Variants in CYP4X1 observed in about 807,000 individuals in gnomAD.
CYP4X1 encodes the protein cytochrome P450 family 4 subfamily X member 1, also known as cytochrome P450 4X1.
A neutral mutation model predicts 57.9 loss-of-function variants in CYP4X1; 44 were observed. That is an observed-to-expected ratio of 0.76 (90% CI 0.60 to 0.98). CYP4X1 has a LOEUF of 0.98. Among genes scored for constraint, CYP4X1 ranks in the 50% least tolerant of loss-of-function variants. The pLI is 0.00. For missense variants in CYP4X1, 532 were observed against 623.9 expected, an observed-to-expected ratio of 0.85 and a Z score of 1.57; for synonymous variants, 227 against 228.6, an observed-to-expected ratio of 0.99 and a Z score of 0.06.
chr1:46,971,351 C>T, the CYP4X1 span, among the ~76,000 whole-genome samples: 2 of 152,140 alleles, frequency 1.3e-5, no homozygotes, highest in Non-Finnish European at 2.9e-5. Flanking sequence ...GATTGTATGC[C>T]TTTGCCATTG....
chr1:47,028,393 G>C (rs1487107055), intron 1 of CYP4X1, among the ~76,000 whole-genome samples: 1 of 152,146 alleles, frequency 6.6e-6, no homozygotes, highest in Non-Finnish European at 1.5e-5. Context: ...ACTTCATAGG[G>C]TTCTTGATGT....
chr1:47,020,905 G>C (rs1643988698), upstream of CYP4X1, among the ~76,000 whole-genome samples: 1 of 152,062 alleles, frequency 6.6e-6, no homozygotes, highest in Non-Finnish European at 1.5e-5. Flanking sequence ...TCTTTGGGCT[G>C]TGTGTAGGAT....
At chr1:46,973,769 C>T in the CYP4X1 span, among the ~76,000 whole-genome samples, 50 of 151,764 alleles carry the variant, frequency 3.3e-4, no homozygotes, top group Non-Finnish European at 5.5e-4. Context: ...TTGGTGGTAA[C>T]GTCCTCTGTC....
intron 1 of CYP4X1, among the ~76,000 whole-genome samples, chr1:47,025,475 C>T (rs1161306146): frequency 1.3e-5 from 2 of 152,324 alleles, no homozygotes; most frequent in African/African-American, 4.8e-5. Flanking sequence ...CAGGCAATCA[C>T]TTACACTTCA....
chr1:47,026,402 A>T (rs1421701836), intron 1 of CYP4X1, among the ~76,000 whole-genome samples: 1 of 152,214 alleles, frequency 6.6e-6, no homozygotes, highest in Non-Finnish European at 1.5e-5. Flanking sequence ...TAAATAAATT[A>T]TATAGCTATC....
At chr1:47,037,104 TG>T (rs1399485989) in intron 6 of CYP4X1, among the ~76,000 whole-genome samples, 1 of 152,156 alleles carries the variant, frequency 6.6e-6, no homozygotes, top group East Asian at 1.9e-4. Flanking sequence ...TTAATGTTTT[TG>T]TGCTTCATTG....
At chr1:46,981,682 T>C in the CYP4X1 span, among the ~76,000 whole-genome samples, 1 of 152,168 alleles carries the variant, frequency 6.6e-6, no homozygotes, top group Non-Finnish European at 1.5e-5. Flanking sequence ...CACATGCACA[T>C]GTATGTTTAT....
At chr1:47,037,042 T>C (rs12406683) in intron 6 of CYP4X1, among the ~76,000 whole-genome samples, 12,623 of 152,226 alleles carry the variant, frequency 0.083, 588 homozygotes, top group East Asian at 0.22. Flanking sequence ...ATGGGCATTA[T>C]AAATAGCAGC....
At chr1:47,047,212 G>A (rs1333026386) in intron 9 of CYP4X1, among the ~76,000 whole-genome samples, 10 of 152,134 alleles carry the variant, frequency 6.6e-5, no homozygotes, top group African/African-American at 9.7e-5. Context: ...GAACTTGTGC[G>A]GAGACCCTGA....
chr1:47,032,522 G>A (rs936972363), intron 3 of CYP4X1, among the ~76,000 whole-genome samples: 13 of 152,116 alleles, frequency 8.5e-5, no homozygotes, highest in African/African-American at 2.9e-4. Flanking sequence ...TCATGAGCCT[G>A]GAATGTTGTA....
At chr1:47,008,556 C>G in the CYP4X1 span, among the ~76,000 whole-genome samples, 1 of 152,172 alleles carries the variant, frequency 6.6e-6, no homozygotes. Context: ...ATGACAGGAT[C>G]AAATTCACAC....
the CYP4X1 span, among the ~76,000 whole-genome samples, chr1:46,979,165 CA>C: frequency 6.6e-6 from 1 of 151,970 alleles, no homozygotes; most frequent in Non-Finnish European, 1.5e-5. Context: ...AAAACCCCTT[CA>C]AAAAATCAAG....
chr1:47,031,357 A>G, intron 2 of CYP4X1, 79 bp from the exon 3 acceptor site: 2 of 1,537,568 alleles, frequency 1.3e-6, no homozygotes, highest in South Asian at 2.3e-5. Flanking sequence ...GCAGAAATGC[A>G]GAAAACCGTC....
At chr1:46,980,763 T>C in the CYP4X1 span, among the ~76,000 whole-genome samples, 1 of 152,156 alleles carries the variant, frequency 6.6e-6, no homozygotes, top group African/African-American at 2.4e-5. Flanking sequence ...AACAGCATGG[T>C]ACTGGTACCA....
chr1:46,987,620 C>A, the CYP4X1 span, among the ~76,000 whole-genome samples: 1 of 152,110 alleles, frequency 6.6e-6, no homozygotes, highest in East Asian at 1.9e-4. Flanking sequence ...CTAAAATTGA[C>A]CACATAATTG....
At chr1:47,041,577 T>G (rs1437044516) in intron 8 of CYP4X1, among the ~76,000 whole-genome samples, 4 of 152,194 alleles carry the variant, frequency 2.6e-5, no homozygotes, top group Non-Finnish European at 4.4e-5. Flanking sequence ...CATTCATGTC[T>G]TCTTTGTAGG....
chr1:47,009,320 T>A, the CYP4X1 span, among the ~76,000 whole-genome samples: 1 of 151,616 alleles, frequency 6.6e-6, no homozygotes, highest in Admixed American at 6.6e-5. Context: ...ACCTGGTACA[T>A]AAAGAAATGA....
chr1:47,017,329 G>C, the CYP4X1 span, among the ~76,000 whole-genome samples: 17 of 152,114 alleles, frequency 1.1e-4, no homozygotes, highest in Non-Finnish European at 1.5e-4. Context: ...ATGAAAACAG[G>C]GATGAAATAT....
At chr1:46,984,396 A>C in the CYP4X1 span, among the ~76,000 whole-genome samples, 3 of 151,544 alleles carry the variant, frequency 2.0e-5, no homozygotes, top group East Asian at 5.8e-4. Flanking sequence ...AAAAAAAAAA[A>C]AAAAACCAGG....
Sources: gnomAD v4.1 joint callset for allele counts (sites outside exome capture counted in the v4.1 genomes callset) on GRCh38, gnomAD v4.1.1 for gene constraint, MANE v1.5 for transcripts, NCBI Gene and HGNC (gene_info 2026-07-23, HGNC 2026-07-21) for gene names.